The following WDPCP variants were observed in gnomAD, a reference collection of about 807,000 sequenced individuals.
The protein encoded by WDPCP is WD repeat-containing and planar cell polarity effector protein fritz homolog.
Under a neutral mutation model 93.1 loss-of-function variants are expected in WDPCP, and 71 were observed. That is an observed-to-expected ratio of 0.76 (90% CI 0.63 to 0.93). WDPCP has a LOEUF of 0.93. WDPCP is among the 40% of genes least tolerant of loss of function. The pLI is 0.00. For missense variants in WDPCP, 844 were observed against 887.4 expected, an observed-to-expected ratio of 0.95 and a Z score of 0.62; for synonymous variants, 315 against 315.0, an observed-to-expected ratio of 1.00 and a Z score of 0.00.
intron 2 of WDPCP, among the ~76,000 whole-genome samples, chr2:63,729,339 A>G (rs1669529271): frequency 6.6e-6 from 1 of 152,222 alleles, no homozygotes; most frequent in African/African-American, 2.4e-5. Flanking sequence ...AAATGATAAA[A>G]AAAATATATT....
At chr2:63,182,320 C>T (rs1674308083) in intron 14 of WDPCP, among the ~76,000 whole-genome samples, 1 of 151,908 alleles carries the variant, frequency 6.6e-6, no homozygotes, top group African/African-American at 2.4e-5. Flanking sequence ...AGTATGTTCC[C>T]TCTATGCCTA....
intron 1 of WDPCP, among the ~76,000 whole-genome samples, chr2:63,568,639 T>A (rs904706343): frequency 1.3e-5 from 2 of 152,196 alleles, no homozygotes; most frequent in African/African-American, 4.8e-5. Flanking sequence ...GTGTCCAGTT[T>A]CCATTGGCTG....
intron 2 of WDPCP, among the ~76,000 whole-genome samples, chr2:63,740,689 G>A (rs548429990): frequency 6.6e-6 from 1 of 152,254 alleles, no homozygotes; most frequent in East Asian, 1.9e-4. Context: ...GTAACAGGCA[G>A]TTGTTATTTG....
chr2:63,799,697 T>C (rs1670665768), intron 2 of WDPCP, among the ~76,000 whole-genome samples: 1 of 152,192 alleles, frequency 6.6e-6, no homozygotes, highest in African/African-American at 2.4e-5. Flanking sequence ...CCTTCACAAA[T>C]ATAAAAACCA....
At position 63,382,108 on chromosome 2, in the gene WDPCP, T is replaced by A; in HGVS notation, c.1436-14A>T. ...GAGTGAAGACGCCTATCACAAAACA[T>A]GGAAAACCAGGTGAATCTTTTAAAA... On this transcript the variant is annotated splice_polypyrimidine_tract_variant and intron_variant, in intron 10 of 17. Coordinates refer to ENST00000272321, the MANE Select transcript of WDPCP (RefSeq NM_015910.7). 6.2e-7 allele frequency: 1 copy of A among 1,610,374 alleles called. No individual in the cohort carries two copies. The highest frequency in any genetic ancestry group is 8.5e-7 in the Non-Finnish European group (1 of 1,178,358).
intron 6 of WDPCP, chr2:63,442,491 T>C (rs1356390): frequency 0.81 from 122,588 of 152,110 alleles, 50,051 homozygotes; most frequent in East Asian, 0.98. Flanking sequence ...ATGACGTTCA[T>C]CCCTTTGAAT....
At chr2:63,552,095 C>CTTCTTTTTTTTTTT (rs1705709931) in intron 1 of WDPCP, among the ~76,000 whole-genome samples, 1 of 131,020 alleles carries the variant, frequency 7.6e-6, no homozygotes, top group African/African-American at 3.2e-5. Context: ...CTTGGCCCTG[C>CTTCTTTTTTTTTTT]TTTCTTTAAA....
At chr2:63,565,945 T>C (rs997645214) in intron 1 of WDPCP, among the ~76,000 whole-genome samples, 2 of 152,214 alleles carry the variant, frequency 1.3e-5, no homozygotes, top group Non-Finnish European at 2.9e-5. Context: ...TTATATCCAC[T>C]GCCACCATCA....
intron 3 of WDPCP, among the ~76,000 whole-genome samples, chr2:63,632,641 C>G (rs960817779): frequency 6.6e-6 from 1 of 151,964 alleles, no homozygotes; most frequent in African/African-American, 2.4e-5. Flanking sequence ...AGTATAAACT[C>G]AAAGACAGGT....
At chr2:63,748,001 G>C (rs1186451390) in intron 2 of WDPCP, among the ~76,000 whole-genome samples, 1 of 151,918 alleles carries the variant, frequency 6.6e-6, no homozygotes, top group Non-Finnish European at 1.5e-5. Context: ...TACAGAGAGA[G>C]AGAGTGAGGG....
rs750796197 is a variant in WDPCP at position 63,414,496 on chromosome 2, C to CACAG, written c.826-9840_826-9839insCTGT. Among the ~76,000 whole-genome samples the CACAG allele has an allele frequency of 8.0e-4, 120 of 149,734 alleles. 1 individual carries two copies. Among genetic ancestry groups the CACAG allele is most frequent in the African/African-American group, 2.8e-3 (114 of 40,546 alleles). ...ATACACACACACACACACACACACA[C>CACAG]ATATATATACACACACACATATATA... On this transcript the variant is annotated intron_variant, in intron 9 of 17. Coordinates refer to ENST00000272321, the MANE Select transcript of WDPCP (RefSeq NM_015910.7).
chr2:63,487,457 T>G lies in WDPCP; in HGVS notation c.198A>C (p.Lys66Asn). Residue 66 changes from lysine (K) to asparagine (N), a missense_variant, in exon 3 of 18, where the codon AAA (lysine) becomes AAC (asparagine). Coordinates refer to ENST00000272321, the MANE Select transcript of WDPCP (RefSeq NM_015910.7). ...GAATAGGTACTTTACCTGGTGGATC[T>G]TTCTTGTCATAATACTGGTAGATCC... ...DIGIYQYYDK[K>N]DPPATEHGNL... 1 of 1,590,618 alleles carries G rather than the reference T, an allele frequency of 6.3e-7. No individual in the cohort carries two copies. Among genetic ancestry groups the G allele is most frequent in the Non-Finnish European group, 8.6e-7 (1 of 1,160,176 alleles).
At chr2:63,513,571 A>C (rs990045501) in intron 1 of WDPCP, among the ~76,000 whole-genome samples, 7 of 152,124 alleles carry the variant, frequency 4.6e-5, no homozygotes, top group African/African-American at 1.7e-4. Flanking sequence ...CCTCTTCCTC[A>C]AGTGTCATAG....
intron 14 of WDPCP, among the ~76,000 whole-genome samples, chr2:63,179,335 T>C (rs771012291): frequency 5.3e-5 from 8 of 151,634 alleles, no homozygotes; most frequent in African/African-American, 1.7e-4. Flanking sequence ...CTCAGGGAAC[T>C]TTTCCTCATG....
chr2:63,427,409 T>C (rs1039445124), intron 9 of WDPCP, among the ~76,000 whole-genome samples: 1 of 152,106 alleles, frequency 6.6e-6, no homozygotes, highest in African/African-American at 2.4e-5. Flanking sequence ...TACATTGCAA[T>C]AAAAATAGAA....
At chr2:63,389,267 T>G (rs552260740) in intron 10 of WDPCP, among the ~76,000 whole-genome samples, 152 of 152,154 alleles carry the variant, frequency 1.0e-3, no homozygotes, top group Non-Finnish European at 1.0e-3. Context: ...AGAAAAGAAT[T>G]TTCAACCCAG....
At chr2:63,717,546 G>T in intron 2 of WDPCP, 1 of 496,564 alleles carries the variant, frequency 2.0e-6, no homozygotes. Context: ...CCAGGCTCTG[G>T]CCATGCAGTC....
chr2:63,756,719 CTG>C (rs1052149301), intron 2 of WDPCP, among the ~76,000 whole-genome samples: 1 of 152,128 alleles, frequency 6.6e-6, no homozygotes, highest in Non-Finnish European at 1.5e-5. Flanking sequence ...CCTCTTAAGA[CTG>C]TGTATAGATT....
chr2:63,331,181 T>C (rs543392734), intron 12 of WDPCP, among the ~76,000 whole-genome samples: 6 of 152,318 alleles, frequency 3.9e-5, no homozygotes, highest in East Asian at 3.9e-4. Flanking sequence ...GCCATATTTT[T>C]TTAAAGCCAG....
Sources: allele counts gnomAD v4.1 joint callset (sites outside exome capture counted in the v4.1 genomes callset), GRCh38; gene constraint gnomAD v4.1.1; transcripts MANE v1.5; gene names NCBI Gene and HGNC (gene_info 2026-07-23, HGNC 2026-07-21).